THSD7A: variants seen among roughly 807,000 people sequenced by gnomAD.
THSD7A encodes the protein thrombospondin type-1 domain-containing protein 7A.
In THSD7A, 96 loss-of-function variants were observed where a neutral mutation model predicts 231.3. That is an observed-to-expected ratio of 0.41 (90% CI 0.35 to 0.49). The LOEUF is 0.49. Ranked by LOEUF, THSD7A falls within the 20% of genes least tolerant of loss-of-function variation. THSD7A has a pLI of 0.05. For synonymous variants in THSD7A, 940 were observed against 743.3 expected, an observed-to-expected ratio of 1.26 and a Z score of -4.30; for missense variants, 2,290 against 2,070.2, an observed-to-expected ratio of 1.11 and a Z score of -2.06.
chr7:11,710,514 A>G (rs1190089017), intron 1 of THSD7A, among the ~76,000 whole-genome samples: 3 of 150,880 alleles, frequency 2.0e-5, no homozygotes, highest in African/African-American at 7.3e-5. Context: ...CCAAGGAAGT[A>G]GAGGCCAGAA....
intron 1 of THSD7A, among the ~76,000 whole-genome samples, chr7:11,789,351 T>G (rs937350526): frequency 2.0e-5 from 3 of 152,046 alleles, no homozygotes; most frequent in Non-Finnish European, 2.9e-5. Flanking sequence ...CAGAATATTT[T>G]AAGAAAGGGC....
intron 4 of THSD7A, among the ~76,000 whole-genome samples, chr7:11,557,207 T>C (rs1275427085): frequency 2.0e-5 from 3 of 152,112 alleles, no homozygotes. Context: ...TTGATTATTC[T>C]GTATTTTAGT....
At chr7:11,738,817 C>G (rs1388125527) in intron 1 of THSD7A, among the ~76,000 whole-genome samples, 1 of 151,932 alleles carries the variant, frequency 6.6e-6, no homozygotes, top group Non-Finnish European at 1.5e-5. Context: ...TCTTTTCCTC[C>G]AGAGCTTTAA....
At chr7:11,666,218 T>C (rs1440534196) in intron 1 of THSD7A, among the ~76,000 whole-genome samples, 1 of 152,038 alleles carries the variant, frequency 6.6e-6, no homozygotes, top group Non-Finnish European at 1.5e-5. Context: ...ATTGTTGGAT[T>C]TTGGCAAATT....
intron 4 of THSD7A, among the ~76,000 whole-genome samples, chr7:11,552,315 T>C (rs1789664699): frequency 6.6e-6 from 1 of 151,730 alleles, no homozygotes; most frequent in African/African-American, 2.4e-5. Flanking sequence ...AACTTAAAAG[T>C]TAGAAAAAAA....
At chr7:11,605,508 C>A (rs775144852) in intron 2 of THSD7A, among the ~76,000 whole-genome samples, 1 of 152,078 alleles carries the variant, frequency 6.6e-6, no homozygotes, top group South Asian at 2.1e-4. Context: ...GTCAGACCCC[C>A]GCTCCATGCT....
At chr7:11,734,841 A>G (rs925172338) in intron 1 of THSD7A, among the ~76,000 whole-genome samples, 3 of 151,962 alleles carry the variant, frequency 2.0e-5, no homozygotes, top group African/African-American at 7.2e-5. Flanking sequence ...GTAATTGAAT[A>G]AACCCATTTT....
intron 1 of THSD7A, among the ~76,000 whole-genome samples, chr7:11,648,308 A>G (rs752305652): frequency 6.6e-6 from 1 of 152,058 alleles, no homozygotes; most frequent in Admixed American, 6.6e-5. Flanking sequence ...AAGCCTATTA[A>G]GCCTGAAGTT....
chr7:11,586,763 C>T (rs889099133), intron 4 of THSD7A, among the ~76,000 whole-genome samples: 3 of 152,046 alleles, frequency 2.0e-5, no homozygotes, highest in Non-Finnish European at 2.9e-5. Flanking sequence ...TGAGGAAATG[C>T]GAGTTTTTTA....
intron 1 of THSD7A, among the ~76,000 whole-genome samples, chr7:11,705,875 G>C (rs1780749472): frequency 6.6e-6 from 1 of 150,826 alleles, no homozygotes. Flanking sequence ...CTATCACAAA[G>C]AAGGCTTCCA....
At chr7:11,448,631 T>C (rs1440788758) in intron 11 of THSD7A, among the ~76,000 whole-genome samples, 2 of 152,102 alleles carry the variant, frequency 1.3e-5, no homozygotes, top group African/African-American at 2.4e-5. Flanking sequence ...TCTGGATCTG[T>C]GTACTAAAAC....
intron 6 of THSD7A, among the ~76,000 whole-genome samples, chr7:11,520,639 G>T (rs1788225253): frequency 1.3e-5 from 2 of 152,198 alleles, no homozygotes; most frequent in Admixed American, 6.5e-5. Flanking sequence ...TTAGAAACAG[G>T]CTTGCTGAAT....
chr7:11,488,221 T>A (rs1786741298), intron 6 of THSD7A, among the ~76,000 whole-genome samples: 1 of 152,178 alleles, frequency 6.6e-6, no homozygotes, highest in Non-Finnish European at 1.5e-5. Context: ...ATATGTTTTG[T>A]GTTCTTCAGA....
intron 1 of THSD7A, among the ~76,000 whole-genome samples, chr7:11,793,056 T>C (rs1198643604): frequency 6.6e-6 from 1 of 151,884 alleles, no homozygotes; most frequent in African/African-American, 2.4e-5. Flanking sequence ...AAAAGTTATA[T>C]AAAACTGTTT....
At chr7:11,805,291 C>T (rs1583305206) in intron 1 of THSD7A, among the ~76,000 whole-genome samples, 1 of 152,112 alleles carries the variant, frequency 6.6e-6, no homozygotes, top group Non-Finnish European at 1.5e-5. Flanking sequence ...CTGACCAATC[C>T]CATGGCTGTC....
chr7:11,401,491 A>C (rs1207454790), intron 23 of THSD7A, among the ~76,000 whole-genome samples: 1 of 152,082 alleles, frequency 6.6e-6, no homozygotes, highest in African/African-American at 2.4e-5. Context: ...ATCTCGGCTC[A>C]CTGCAGTCTC....
At chr7:11,529,523 T>TC (rs1231098754) in intron 6 of THSD7A, among the ~76,000 whole-genome samples, 1 of 152,066 alleles carries the variant, frequency 6.6e-6, no homozygotes, top group Non-Finnish European at 1.5e-5. Context: ...GGGGATGGTT[T>TC]CCCCCATGCT....
intron 11 of THSD7A, among the ~76,000 whole-genome samples, chr7:11,449,055 G>A (rs999189981): frequency 1.3e-5 from 2 of 152,092 alleles, no homozygotes; most frequent in Admixed American, 1.3e-4. Flanking sequence ...AGCAGTCTAA[G>A]ATGGTGGTTC....
chr7:11,587,046 C>G (rs1432998609), intron 4 of THSD7A, among the ~76,000 whole-genome samples: 1 of 152,046 alleles, frequency 6.6e-6, no homozygotes, highest in Non-Finnish European at 1.5e-5. Context: ...TTTCAGCTTC[C>G]CTCACTTAAA....
Sources: gnomAD v4.1 joint callset for allele counts (sites outside exome capture counted in the v4.1 genomes callset) on GRCh38, gnomAD v4.1.1 for gene constraint, MANE v1.5 for transcripts, NCBI Gene and HGNC (gene_info 2026-07-23, HGNC 2026-07-21) for gene names.